The following GPANK1 variants were observed in gnomAD, a reference collection of about 807,000 sequenced individuals.
The protein encoded by GPANK1 is G-patch domain and ankyrin repeats 1.
A neutral mutation model predicts 24.0 loss-of-function variants in GPANK1; 22 were observed. That is an observed-to-expected ratio of 0.92 (90% CI 0.66 to 1.31). The LOEUF is 1.31. GPANK1 is among the 50% of genes most tolerant of loss of function. The pLI is 0.00. For synonymous variants in GPANK1, 174 were observed against 177.4 expected, an observed-to-expected ratio of 0.98 and a Z score of 0.15; for missense variants, 469 against 453.5, an observed-to-expected ratio of 1.03 and a Z score of -0.31.
At position 31,662,178 on chromosome 6, in the gene GPANK1, C is replaced by A. The variant is rs1395696287; in HGVS notation, c.*88G>T. On this transcript the variant is annotated 3_prime_UTR_variant, in exon 3 of 3. Transcript: ENST00000375896. This position sits in a 1 kb window ranked among gnomAD's most constrained non-coding sequence, Gnocchi z 5.5. ...AAAAACTTCAGGATCTGCATCTGAGCAGATCCCAGGAAGGGGAAGTCAAAG... is the reference window on the plus strand; with the variant it reads ...AAAAACTTCAGGATCTGCATCTGAGAAGATCCCAGGAAGGGGAAGTCAAAG... The A allele has an allele frequency of 1.1e-5, 9 of 828,812 alleles. No homozygotes were observed. The highest frequency in any genetic ancestry group is 3.4e-5 in the African/African-American group (2 of 58,006). The allele number at this position is 828,812 out of a possible 1,614,324, so 51.3% of individuals were successfully genotyped here. A position where few individuals can be genotyped will look rare whatever the true frequency, so the allele number is the denominator to read the frequency against.
chr6:31,664,457 T>C lies in GPANK1; in HGVS notation c.22A>G (p.Thr8Ala). Residue 8 changes from threonine (T) to alanine (A), a missense_variant, in exon 2 of 3, where the codon ACC (threonine) becomes GCC (alanine). By Grantham distance (58) the Thr-to-Ala change is moderately conservative (BLOSUM62 0). Transcript: ENST00000375896. MSRPLLITFTPATDPSDL... is the reference protein window; with the variant it reads MSRPLLIAFTPATDPSDL... ...CTGGGGTCAGTGGCTGGGGTGAAGGTGATGAGCAAGGGCCGGGACATGGCT... is the reference window on the plus strand; with the variant it reads ...CTGGGGTCAGTGGCTGGGGTGAAGGCGATGAGCAAGGGCCGGGACATGGCT... 6.2e-7 allele frequency: 1 copy of C among 1,612,748 alleles called. No individual in the cohort carries two copies. The highest frequency in any genetic ancestry group is 8.5e-7 in the Non-Finnish European group (1 of 1,179,408).
chr6:31,664,331 C>A lies in GPANK1; in HGVS notation c.148G>T (p.Asp50Tyr), dbSNP rs1043134390. 6.2e-7 allele frequency: 1 copy of A among 1,614,186 alleles called. No individual in the cohort carries two copies. The highest frequency in any genetic ancestry group is 8.5e-7 in the Non-Finnish European group (1 of 1,180,028). ...TGGGAGTCAGGAGCGCTGCTCTCATCCCCAATCAGGGCCTCATAGAAAGCT... is the reference window on the plus strand; with the variant it reads ...TGGGAGTCAGGAGCGCTGCTCTCATACCCAATCAGGGCCTCATAGAAAGCT... ...ARAFYEALIG[D>Y]ESSAPDSQRS... The change falls in exon 2 of 3, where the codon GAT becomes TAT. Residue 50 changes from aspartate to tyrosine, a missense_variant. Asp to Tyr is a radical substitution (Grantham distance 160). Transcript: ENST00000375896.
rs1170387567 is a variant in GPANK1, at chr6:31,661,289, C to CT, written c.*976dup. On this transcript the variant is annotated 3_prime_UTR_variant, in exon 3 of 3. Coordinates refer to ENST00000375896, the MANE Select transcript of GPANK1 (RefSeq NM_033177.4). ...GGCTAGAGTTCTGGTCCCAGTTCAA[C>CT]TAAGTGTACAAGCTTGATAATCGTG... 1 of 152,250 alleles carries CT rather than the reference C, an allele frequency of 6.6e-6. No individual in the cohort carries two copies. Among genetic ancestry groups the CT allele is most frequent in the Non-Finnish European group, 1.5e-5 (1 of 68,058 alleles). The allele number at this position is 152,250 out of a possible 1,614,324, so 9.4% of individuals were successfully genotyped here. A position where few individuals can be genotyped will look rare whatever the true frequency, so the allele number is the denominator to read the frequency against.
rs767144511 is a variant in GPANK1 at position 31,664,296 on chromosome 6, C to T, written c.183G>A (p.Gln61=). The T allele has an allele frequency of 3.1e-5, 50 of 1,614,076 alleles. No homozygotes were observed. The highest frequency in any genetic ancestry group is 3.9e-5 in the Non-Finnish European group (46 of 1,180,040). ...ESSAPDSQRS[Q]TEPARERKRK... is the part of the protein sequence containing the mutation. Reference sequence around the variant, plus strand: ...TCTTTCTTTCTCTGGCAGGTTCAGTCTGAGATCTCTGGGAGTCAGGAGCGC... The same window carrying T: ...TCTTTCTTTCTCTGGCAGGTTCAGTTTGAGATCTCTGGGAGTCAGGAGCGC... The change falls in exon 2 of 3, where the codon CAG becomes CAA. Residue 61 remains glutamine, a synonymous_variant. Coordinates refer to ENST00000375896, the MANE Select transcript of GPANK1 (RefSeq NM_033177.4).
chr6:31,665,373 T>C (rs1342970620), upstream of GPANK1: 1 of 1,365,260 alleles, frequency 7.3e-7, no homozygotes. Flanking sequence ...AGCCGTGTAA[T>C]GAAATAACGT....
Position 31,662,331 on chromosome 6 carries a change from T to C in GPANK1, c.1006A>G (p.Arg336Gly), listed in dbSNP as rs117221826. 142 of 1,602,246 alleles carry C rather than the reference T, an allele frequency of 8.9e-5. No individual in the cohort carries two copies. In the East Asian group the frequency reaches 3.0e-3, roughly 34 times the overall value. ...VATLSWREER[R>G]REEKDRAWER... ...CAAGCCCTGTCTTTCTCCTCCCTCC[T>C]TCTCTCCTCCCTCCAGCTCAGTGTG... Residue 336 changes from arginine (R) to glycine (G), a missense_variant, in exon 3 of 3, where the codon AGG (arginine) becomes GGG (glycine). Transcript: ENST00000375896. The surrounding 1 kb of genome is among the most constrained non-coding windows in gnomAD (Gnocchi z 5.5).
In GPANK1 at chr6:31,664,495, G is replaced by A. The variant is rs199937819; in HGVS notation, c.-17C>T. On this transcript the variant is annotated 5_prime_UTR_variant, in exon 2 of 3. Coordinates refer to ENST00000375896, the MANE Select transcript of GPANK1 (RefSeq NM_033177.4). The stretch of plus-strand genomic sequence containing the variant: ...CCGGGACATGGCTTTTGGGAGAACT[G>A]AGAAAATGATACCAGGCAAGGGAAG... The A allele has an allele frequency of 1.2e-5, 19 of 1,587,392 alleles. No individual in the cohort carries two copies. The African/African-American group carries it at 2.4e-4, about 20-fold the overall frequency.
Position 31,664,232 on chromosome 6 carries a change from C to T in GPANK1, c.247G>A (p.Ala83Thr), listed in dbSNP as rs1230447115. 6.2e-7 allele frequency: 1 copy of T among 1,613,946 alleles called. No homozygotes were observed. Among genetic ancestry groups the T allele is most frequent in the East Asian group, 2.2e-5 (1 of 44,882 alleles). The change falls in exon 2 of 3, where the codon GCA becomes ACA. Residue 83 changes from alanine (A) to threonine (T), a missense_variant. Ala to Thr is a moderately conservative substitution (Grantham distance 58). Transcript: ENST00000375896. ...RRIMKAPAAE[A>T]VAEGASGRHG... The stretch of plus-strand genomic sequence containing the variant: ...CTTCCTGATGCTCCTTCTGCCACTG[C>T]TTCTGCTGCTGGTGCCTTCATTATT...
In GPANK1 at chr6:31,661,819, GA is replaced by G. The variant is rs9279380; in HGVS notation, c.*446del. On this transcript the variant is annotated 3_prime_UTR_variant, in exon 3 of 3. Coordinates refer to ENST00000375896, the MANE Select transcript of GPANK1 (RefSeq NM_033177.4). ...ACATAGTATATGGACTTATGTTTGT[GA>G]AATCAGTGAATTGGCTGTAGTCAGG... is the stretch of plus-strand genomic sequence containing the variant. 16,456 of 173,356 alleles carry G rather than the reference GA, an allele frequency of 0.095. 962 individuals are homozygous for G. Among genetic ancestry groups the G allele is most frequent in the African/African-American group, 0.15 (6,513 of 42,370 alleles). 10.7% of individuals were successfully genotyped at this position (173,356 alleles called of 1,614,324 possible). A position where few individuals can be genotyped will look rare whatever the true frequency, so the allele number is the denominator to read the frequency against.
At chr6:31,663,744 T>C (rs920975636) in intron 2 of GPANK1, 109 bp downstream of exon 2, 7 of 1,467,630 alleles carry the variant, frequency 4.8e-6, no homozygotes, top group Admixed American at 2.5e-5. Flanking sequence ...AACCTACACA[T>C]GAGGATAAGG....
At position 31,661,627 on chromosome 6, in the gene GPANK1, G is replaced by C. The variant is rs561122610; in HGVS notation, c.*639C>G. ...AGGCAGGAGAATCCCTTGAACTCGG[G>C]GGGCAGAGGTTGTGGTGAGCCGAGA... is the stretch of plus-strand genomic sequence containing the variant. On this transcript the variant is annotated 3_prime_UTR_variant, in exon 3 of 3. Coordinates refer to ENST00000375896, the MANE Select transcript of GPANK1 (RefSeq NM_033177.4). The C allele has an allele frequency of 6.5e-6, 1 of 153,866 alleles. No homozygotes were observed. The highest frequency in any genetic ancestry group is 2.4e-5 in the African/African-American group (1 of 41,540). The allele number at this position is 153,866 out of a possible 1,614,324, so 9.5% of individuals were successfully genotyped here.
upstream of GPANK1, chr6:31,666,060 C>T (rs956503813): frequency 6.0e-6 from 6 of 994,066 alleles, no homozygotes; most frequent in African/African-American, 1.7e-5. Context: ...TTGCGTGTTG[C>T]CCTCTTCCCC....
chr6:31,661,370 G>C lies in GPANK1; in HGVS notation c.*896C>G, dbSNP rs1233683773. ...AAAACCCTACCCATTCTCATCTCTA[G>C]AGGCCTTGACTTCCCTTATCACCCT... is the stretch of plus-strand genomic sequence containing the variant. On this transcript the variant is annotated 3_prime_UTR_variant, in exon 3 of 3. Transcript: ENST00000375896. 1 of 152,240 alleles carries C rather than the reference G, an allele frequency of 6.6e-6. No homozygotes were observed. Among genetic ancestry groups the C allele is most frequent in the Non-Finnish European group, 1.5e-5 (1 of 68,080 alleles). 9.4% of individuals were successfully genotyped at this position (152,240 alleles called of 1,614,324 possible).
Position 31,664,249 on chromosome 6 carries a change from T to C in GPANK1, c.230A>G (p.Lys77Arg), listed in dbSNP as rs1240129417. 1 of 1,613,938 alleles carries C rather than the reference T, an allele frequency of 6.2e-7. No homozygotes were observed. The highest frequency in any genetic ancestry group is 1.1e-5 in the South Asian group (1 of 91,080). ...TGCCACTGCTTCTGCTGCTGGTGCCTTCATTATTCTTCTTTTCTTTCTCTT... is the reference window on the plus strand; with the variant it reads ...TGCCACTGCTTCTGCTGCTGGTGCCCTCATTATTCTTCTTTTCTTTCTCTT... ...ERKRKKRRIM[K>R]APAAEAVAEG... The change falls in exon 2 of 3, where the codon AAG (lysine) becomes AGG (arginine). Residue 77 changes from lysine to arginine, a missense_variant. Lys to Arg is a conservative substitution (Grantham distance 26, BLOSUM62 2). Transcript: ENST00000375896.
In GPANK1 at chr6:31,662,328, T is replaced by G. The variant is rs781327324; in HGVS notation, c.1009A>C (p.Arg337=). 1.2e-5 allele frequency: 19 copies of G among 1,600,822 alleles called. No homozygotes were observed. Among genetic ancestry groups the G allele is most frequent in the Admixed American group, 1.7e-5 (1 of 58,698 alleles). The change falls in exon 3 of 3, where the codon AGG becomes CGG. Residue 337 remains arginine, a synonymous_variant. Coordinates refer to ENST00000375896, the MANE Select transcript of GPANK1 (RefSeq NM_033177.4). This position sits in a 1 kb window ranked among gnomAD's most constrained non-coding sequence, Gnocchi z 5.5. ...ATLSWREERR[R]EEKDRAWERD... is the part of the protein sequence containing the mutation. ...TCCCAAGCCCTGTCTTTCTCCTCCC[T>G]CCTTCTCTCCTCCCTCCAGCTCAGT...
chr6:31,665,366 CG>C (rs1801512704), upstream of GPANK1: 2 of 1,285,518 alleles, frequency 1.6e-6, no homozygotes, highest in African/African-American at 2.9e-5. Flanking sequence ...GCCGAGAAGC[CG>C]TGTAATGAAA....
chr6:31,662,166 T>C lies in GPANK1; in HGVS notation c.*100A>G. 1 of 691,078 alleles carries C rather than the reference T, an allele frequency of 1.4e-6. No individual in the cohort carries two copies. Among genetic ancestry groups the C allele is most frequent in the Non-Finnish European group, 2.4e-6 (1 of 418,352 alleles). The allele number at this position is 691,078 out of a possible 1,614,324, so 42.8% of individuals were successfully genotyped here. A position where few individuals can be genotyped will look rare whatever the true frequency, so the allele number is the denominator to read the frequency against. On this transcript the variant is annotated 3_prime_UTR_variant, in exon 3 of 3. Transcript: ENST00000375896. The surrounding 1 kb of genome is among the most constrained non-coding windows in gnomAD (Gnocchi z 5.5). ...AGCCTATTGACCAAAAACTTCAGGA[T>C]CTGCATCTGAGCAGATCCCAGGAAG...
Position 31,661,877 on chromosome 6 carries a change from G to A in GPANK1, c.*389C>T, listed in dbSNP as rs555477110. The A allele has an allele frequency of 1.2e-4, 24 of 206,234 alleles. No individual in the cohort carries two copies. Among genetic ancestry groups the A allele is most frequent in the East Asian group, 3.3e-4 (3 of 9,230 alleles). 12.8% of individuals were successfully genotyped at this position (206,234 alleles called of 1,614,324 possible). A position where few individuals can be genotyped will look rare whatever the true frequency, so the allele number is the denominator to read the frequency against. Reference sequence around the variant, plus strand: ...CTCCTGGGGGAAGTGAGACTTGCACGAAGCTGGGCAATTCTTGGTCCAGGG... The same window carrying A: ...CTCCTGGGGGAAGTGAGACTTGCACAAAGCTGGGCAATTCTTGGTCCAGGG... On this transcript the variant is annotated 3_prime_UTR_variant, in exon 3 of 3. Coordinates refer to ENST00000375896, the MANE Select transcript of GPANK1 (RefSeq NM_033177.4).
chr6:31,664,026 A>G lies in GPANK1; in HGVS notation c.453T>C (p.Ala151=). Residue 151 remains alanine (A), a synonymous_variant, in exon 2 of 3, where the codon GCT becomes GCC. Coordinates refer to ENST00000375896, the MANE Select transcript of GPANK1 (RefSeq NM_033177.4). ...TCACAGCTGCCCCCTGGCCCGCTCGAGCAGCACACATCAGTGGGGTCCACC... is the reference window on the plus strand; with the variant it reads ...TCACAGCTGCCCCCTGGCCCGCTCGGGCAGCACACATCAGTGGGGTCCACC... ...AFWWTPLMCA[A]RAGQGAAVSY... 3.7e-6 allele frequency: 6 copies of G among 1,614,136 alleles called. No individual in the cohort carries two copies. The highest frequency in any genetic ancestry group is 4.2e-6 in the Non-Finnish European group (5 of 1,180,024).
Sources: gnomAD v4.1 joint callset for allele counts on GRCh38, gnomAD v4.1.1 for gene constraint, Gnocchi (gnomAD v3.1) non-coding constraint, MANE v1.5 for transcripts, NCBI Gene and HGNC (gene_info 2026-07-23, HGNC 2026-07-21) for gene names.